ACOT8: variants seen among roughly 807,000 people sequenced by gnomAD.
ACOT8 encodes the protein acyl-CoA thioesterase 8.
In ACOT8, 31 loss-of-function variants were observed where a neutral mutation model predicts 38.4. The observed-to-expected ratio is 0.81, with a 90% CI of 0.61 to 1.09. The LOEUF (loss-of-function observed/expected upper bound fraction) is 1.09. Among genes scored for constraint, ACOT8 ranks in the 50% least tolerant of loss-of-function variants. ACOT8 has a pLI of 0.00. For synonymous variants in ACOT8, 158 were observed against 170.3 expected, an observed-to-expected ratio of 0.93 and a Z score of 0.56; for missense variants, 373 against 421.8, an observed-to-expected ratio of 0.88 and a Z score of 1.01.
intron 2 of ACOT8, among the ~76,000 whole-genome samples, chr20:45,851,539 A>T (rs986165329): frequency 6.6e-6 from 1 of 152,192 alleles, no homozygotes; most frequent in African/African-American, 2.4e-5. Flanking sequence ...GCCCTGAGGC[A>T]TATTGAAGGG....
intron 2 of ACOT8, chr20:45,853,887 G>A (rs1426317852): frequency 1.6e-6 from 2 of 1,282,774 alleles, no homozygotes; most frequent in East Asian, 1.1e-4. Context: ...AAATGAAGGG[G>A]GAAACCCCAT....
At chr20:45,845,625 T>G (rs781599493) in intron 3 of ACOT8, among the ~76,000 whole-genome samples, 3 of 152,198 alleles carry the variant, frequency 2.0e-5, no homozygotes, top group Non-Finnish European at 4.4e-5. Flanking sequence ...TTCAATACAG[T>G]GACAACCACC....
chr20:45,848,351 TA>T, intron 3 of ACOT8, 98 bp downstream of exon 3: 1 of 1,075,356 alleles, frequency 9.3e-7, no homozygotes, highest in Non-Finnish European at 1.3e-6. Context: ...ATCTGTATTT[TA>T]AAAATGCTGG....
chr20:45,854,349 A>C (rs1035491153), intron 2 of ACOT8, among the ~76,000 whole-genome samples: 1 of 145,060 alleles, frequency 6.9e-6, no homozygotes, highest in African/African-American at 2.5e-5. Flanking sequence ...AGCTGGGACT[A>C]CAGGCACCCA....
intron 2 of ACOT8, chr20:45,853,783 G>T: frequency 2.0e-6 from 1 of 501,234 alleles, no homozygotes; most frequent in Non-Finnish European, 3.3e-6. Flanking sequence ...AGAAGAGGGG[G>T]GCCAATCAAT....
rs117001310 is a variant in ACOT8, at chr20:45,846,132, G to A, written c.489-1712C>T. 0.01 allele frequency among the ~76,000 whole-genome samples: 1,550 copies of A among 152,244 alleles called. 60 individuals are homozygous for A. The East Asian group carries it at 0.13, about 13-fold the overall frequency. On this transcript the variant is annotated intron_variant, in intron 3 of 5. Transcript: ENST00000217455. Reference sequence around the variant, plus strand: ...TGGGATTACAGGCATGAACCACTGCGCCCGGACCTATTTAATTTTAATTAA... The same window carrying A: ...TGGGATTACAGGCATGAACCACTGCACCCGGACCTATTTAATTTTAATTAA...
intron 2 of ACOT8, 123 bp downstream of exon 2, chr20:45,855,036 G>C: frequency 7.2e-7 from 1 of 1,386,288 alleles, no homozygotes; most frequent in Non-Finnish European, 9.8e-7. Context: ...TAGGGTGGTA[G>C]TGTCCGCCAC....
In ACOT8 at chr20:45,844,379, C is replaced by T. The variant is rs1230413648; in HGVS notation, c.530G>A (p.Arg177Gln). The change falls in exon 4 of 6, where the codon CGA becomes CAA. Residue 177 changes from arginine to glutamine, a missense_variant. Coordinates refer to ENST00000217455, the MANE Select transcript of ACOT8 (RefSeq NM_005469.4). ...LQKRYPLALN[R>Q]IAAQEVPIEI... ...AATGGGGACCTCCTGAGCAGCAATT[C>T]GGTTGAGCGCCAATGGGTACCTCTT... The T allele has an allele frequency of 7.4e-6, 12 of 1,613,926 alleles. No individual in the cohort carries two copies. Among genetic ancestry groups the T allele is most frequent in the South Asian group, 4.4e-5 (4 of 91,072 alleles).
Position 45,853,816 on chromosome 20 carries a change from G to C in ACOT8, c.262+1343C>G, listed in dbSNP as rs953598819. 13 of 834,540 alleles carry C rather than the reference G, an allele frequency of 1.6e-5. No homozygotes were observed. The Admixed American group carries it at 1.7e-4, about 11-fold the overall frequency. 51.7% of individuals were successfully genotyped at this position (834,540 alleles called of 1,614,324 possible). A position where few individuals can be genotyped will look rare whatever the true frequency, so the allele number is the denominator to read the frequency against. Reference sequence around the variant, plus strand: ...AATACTCCTCAGGGATGAGGAGTAAGAGACACGGGACAGTATGAAAAAGTG... The same window carrying C: ...AATACTCCTCAGGGATGAGGAGTAACAGACACGGGACAGTATGAAAAAGTG... On this transcript the variant is annotated intron_variant, in intron 2 of 5. Coordinates refer to ENST00000217455, the MANE Select transcript of ACOT8 (RefSeq NM_005469.4).
chr20:45,842,201 A>C, intron 5 of ACOT8: 3 of 1,468,428 alleles, frequency 2.0e-6, no homozygotes, highest in Non-Finnish European at 2.7e-6. Context: ...ACAAGGGTGC[A>C]CTGAGTGTCG....
intron 1 of ACOT8, among the ~76,000 whole-genome samples, chr20:45,855,687 A>C (rs1461487537): frequency 1.3e-5 from 2 of 152,212 alleles, no homozygotes; most frequent in East Asian, 3.9e-4. Context: ...CAGGAGGCAG[A>C]GGTTGAGGTG....
chr20:45,853,015 C>T (rs911067467), intron 2 of ACOT8, among the ~76,000 whole-genome samples: 8 of 152,194 alleles, frequency 5.3e-5, no homozygotes, highest in Non-Finnish European at 7.3e-5. Flanking sequence ...GTGATCCGCC[C>T]GCCTCGGCTT....
At chr20:45,851,040 T>C (rs1040828894) in intron 2 of ACOT8, among the ~76,000 whole-genome samples, 6 of 152,168 alleles carry the variant, frequency 3.9e-5, no homozygotes, top group South Asian at 2.1e-4. Flanking sequence ...CCATGAGACA[T>C]CTTGGGGATG....
At position 45,854,430 on chromosome 20, in the gene ACOT8, C is replaced by T. The variant is rs533024069; in HGVS notation, c.262+729G>A. ...TTTCACCGTGTTAGCTAGGATGGTC[C>T]CGATCTCCTGACCTCGTGATCCGCC... is the stretch of plus-strand genomic sequence containing the variant. On this transcript the variant is annotated intron_variant, in intron 2 of 5. Coordinates refer to ENST00000217455, the MANE Select transcript of ACOT8 (RefSeq NM_005469.4). Among the ~76,000 whole-genome samples, 23 of 152,108 alleles carry T rather than the reference C, an allele frequency of 1.5e-4. No individual in the cohort carries two copies. In the East Asian group the frequency reaches 2.3e-3, roughly 15 times the overall value.
chr20:45,846,006 G>T (rs139489508), intron 3 of ACOT8, among the ~76,000 whole-genome samples: 1,908 of 151,680 alleles, frequency 0.013, 16 homozygotes, highest in Non-Finnish European at 0.019. Context: ...TAATTTTTTT[G>T]TGTGTGTATT....
chr20:45,854,411 C>G (rs972181102), intron 2 of ACOT8, among the ~76,000 whole-genome samples: 10 of 152,120 alleles, frequency 6.6e-5, no homozygotes, highest in African/African-American at 2.2e-4. Flanking sequence ...GGGGTTTCAC[C>G]GTGTTAGCTA....
At chr20:45,852,533 A>T (rs1985134768) in intron 2 of ACOT8, among the ~76,000 whole-genome samples, 1 of 152,196 alleles carries the variant, frequency 6.6e-6, no homozygotes, top group Non-Finnish European at 1.5e-5. Flanking sequence ...CACCACAAAC[A>T]GATAAGAGCT....
chr20:45,843,340 T>C, intron 5 of ACOT8, 187 bp downstream of exon 5: 1 of 835,008 alleles, frequency 1.2e-6, no homozygotes, highest in Middle Eastern at 2.2e-4. Context: ...TCTAGAAATT[T>C]AGAGCAGAGC....
intron 2 of ACOT8, among the ~76,000 whole-genome samples, chr20:45,854,637 G>A (rs576027585): frequency 2.6e-5 from 4 of 152,250 alleles, no homozygotes; most frequent in African/African-American, 7.2e-5. Context: ...ACTGTAGGGC[G>A]GGGAGGTAAC....
Sources: gnomAD v4.1 joint callset for allele counts (sites outside exome capture counted in the v4.1 genomes callset) on GRCh38, gnomAD v4.1.1 for gene constraint, MANE v1.5 for transcripts, NCBI Gene and HGNC (gene_info 2026-07-23, HGNC 2026-07-21) for gene names.